RPS12: variants seen among roughly 807,000 people sequenced by gnomAD.
RPS12 encodes the protein small ribosomal subunit protein eS12.
A neutral mutation model predicts 17.2 loss-of-function variants in RPS12; 1 was observed. That is an observed-to-expected ratio of 0.06 (90% CI 0.02 to 0.28). The LOEUF is 0.28. Ranked by LOEUF, RPS12 falls within the 10% of genes least tolerant of loss-of-function variation. RPS12 has a pLI of 1.00. For synonymous variants in RPS12, 67 were observed against 54.0 expected (o/e 1.24, Z -1.06); for missense variants, 146 against 162.1 (o/e 0.90, Z 0.54).
intron 3 of RPS12, chr6:132,815,475 A>T: frequency 2.4e-6 from 1 of 425,458 alleles, no homozygotes; most frequent in African/African-American, 2.0e-5. Flanking sequence ...ACAAGCATTA[A>T]TTTAATGGAA....
At chr6:132,814,803 T>G (rs1562279735) in intron 2 of RPS12, 21 bp downstream of exon 2, 2 of 1,609,716 alleles carry the variant, frequency 1.2e-6, no homozygotes, top group Non-Finnish European at 1.7e-6. Context: ...GGGCCGGGGT[T>G]GGAGTTGGGG....
intron 3 of RPS12, 121 bp from the exon 4 acceptor site, chr6:132,816,340 T>C: frequency 1.4e-6 from 1 of 697,310 alleles, no homozygotes; most frequent in South Asian, 1.7e-5. Context: ...CATTTATGTG[T>C]TCAGTGGATT....
At position 132,814,762 on chromosome 6, in the gene RPS12, C is replaced by A. The variant is rs200878634; in HGVS notation, c.-7C>A. On this transcript the variant is annotated 5_prime_UTR_variant, in exon 2 of 6. Coordinates refer to ENST00000230050, the MANE Select transcript of RPS12 (RefSeq NM_001016.4). ...TCAAGATTCAACTTCACCCGTAACC[C>A]ACCGCCATGGCCGAGGAAGGGTGAG... 1 of 1,613,564 alleles carries A rather than the reference C, an allele frequency of 6.2e-7. No individual in the cohort carries two copies. The highest frequency in any genetic ancestry group is 8.5e-7 in the Non-Finnish European group (1 of 1,179,614).
intron 3 of RPS12, 87 bp from the exon 4 acceptor site, chr6:132,816,374 T>C: frequency 2.1e-6 from 2 of 934,462 alleles, no homozygotes; most frequent in East Asian, 2.4e-5. Context: ...TCGCAAGTGT[T>C]AGTGCAAAGA....
At chr6:132,816,672 G>A (rs540402940) in intron 4 of RPS12, 109 bp downstream of exon 4, 17 of 820,376 alleles carry the variant, frequency 2.1e-5, no homozygotes, top group African/African-American at 1.8e-4. Flanking sequence ...TAAACATTAC[G>A]TGCACCTGAT....
chr6:132,815,079 C>G lies in RPS12; in HGVS notation c.122C>G (p.Ala41Gly). 1 of 1,606,162 alleles carries G rather than the reference C, an allele frequency of 6.2e-7. No homozygotes were observed. The highest frequency in any genetic ancestry group is 8.5e-7 in the Non-Finnish European group (1 of 1,172,774). The change falls in exon 3 of 6, where the codon GCC becomes GGC. Residue 41 changes from alanine to glycine, a missense_variant. Coordinates refer to ENST00000230050, the MANE Select transcript of RPS12 (RefSeq NM_001016.4). ...CGTGGAATTCGCGAAGCTGCCAAAGCCTTAGACAAGTACGTGTATCAGTCT... is the reference window on the plus strand; with the variant it reads ...CGTGGAATTCGCGAAGCTGCCAAAGGCTTAGACAAGTACGTGTATCAGTCT... ...LARGIREAAK[A>G]LDKRQAHLCV...
Position 132,815,011 on chromosome 6 carries a change from A to C in RPS12, c.54A>C (p.Leu18Phe). 1 of 1,613,760 alleles carries C rather than the reference A, an allele frequency of 6.2e-7. No homozygotes were observed. Among genetic ancestry groups the C allele is most frequent in the Non-Finnish European group, 8.5e-7 (1 of 1,179,698 alleles). ...GTGTAATGGACGTTAATACTGCTTT[A>C]CAAGAGGTTCTGAAGACTGCCCTCA... ...AGGVMDVNTA[L>F]QEVLKTALIH... The change falls in exon 3 of 6, where the codon TTA becomes TTC. Residue 18 changes from leucine to phenylalanine, a missense_variant. By Grantham distance (22) the Leu-to-Phe change is conservative. Transcript: ENST00000230050.
intron 4 of RPS12, 52 bp from the exon 5 acceptor site, chr6:132,816,908 T>C (rs1348768752): frequency 8.5e-7 from 1 of 1,172,598 alleles, no homozygotes; most frequent in Admixed American, 1.7e-5. Context: ...ATTTTGGTAG[T>C]GTTAATGTCT....
Position 132,814,748 on chromosome 6 carries a change from C to G in RPS12, c.-21C>G, listed in dbSNP as rs188597053. On this transcript the variant is annotated 5_prime_UTR_variant, in exon 2 of 6. Coordinates refer to ENST00000230050, the MANE Select transcript of RPS12 (RefSeq NM_001016.4). ...GTTTTTTAGTGCGTTCAAGATTCAA[C>G]TTCACCCGTAACCCACCGCCATGGC... The G allele has an allele frequency of 2.6e-5, 42 of 1,613,110 alleles. No individual in the cohort carries two copies. Among genetic ancestry groups the G allele is most frequent in the Admixed American group, 2.0e-4 (12 of 60,004 alleles).
In RPS12 at chr6:132,814,718, C is replaced by G; in HGVS notation, c.-37-14C>G. 3 of 1,603,780 alleles carry G rather than the reference C, an allele frequency of 1.9e-6. No individual in the cohort carries two copies. The highest frequency in any genetic ancestry group is 2.6e-6 in the Non-Finnish European group (3 of 1,171,116). On this transcript the variant is annotated splice_polypyrimidine_tract_variant and intron_variant, in intron 1 of 5. Coordinates refer to ENST00000230050, the MANE Select transcript of RPS12 (RefSeq NM_001016.4). ...TATCTGGTTCTTTAACAAGTCAATG[C>G]TTTTGTTTTTTAGTGCGTTCAAGAT...
At chr6:132,816,407 T>C (rs914356729) in intron 3 of RPS12, 54 bp from the exon 4 acceptor site, 2 of 1,356,284 alleles carry the variant, frequency 1.5e-6, no homozygotes, top group African/African-American at 2.9e-5. Context: ...AATGCAAGAA[T>C]GATGGATTTG....
chr6:132,816,422 T>C, intron 3 of RPS12, 39 bp from the exon 4 acceptor site: 1 of 1,475,456 alleles, frequency 6.8e-7, no homozygotes, highest in Non-Finnish European at 9.5e-7. Context: ...GATTTGGATC[T>C]GAGTTTTAGC....
In RPS12 at chr6:132,815,097, A is replaced by G. The variant is rs958886270; in HGVS notation, c.131+9A>G. ...GCCAAAGCCTTAGACAAGTACGTGT[A>G]TCAGTCTCAATACTGTGGGTTCTTG... On this transcript the variant is annotated intron_variant, in intron 3 of 5. Coordinates refer to ENST00000230050, the MANE Select transcript of RPS12 (RefSeq NM_001016.4). 5.2e-6 allele frequency: 8 copies of G among 1,536,156 alleles called. No individual in the cohort carries two copies. In the Admixed American group the frequency reaches 6.7e-5, roughly 13 times the overall value.
intron 1 of RPS12, 53 bp from the exon 2 acceptor site, chr6:132,814,679 G>T: frequency 7.0e-7 from 1 of 1,434,142 alleles, no homozygotes; most frequent in South Asian, 1.2e-5. Flanking sequence ...GTTCTTGCTG[G>T]GATTCGTGAC....
At chr6:132,815,602 T>A in intron 3 of RPS12, 1 of 455,690 alleles carries the variant, frequency 2.2e-6, no homozygotes, top group Non-Finnish European at 4.4e-6. Flanking sequence ...AGTTAATGTG[T>A]TTTTTAGGGT....
intron 5 of RPS12, 87 bp downstream of exon 5, chr6:132,817,148 A>G: frequency 1.1e-6 from 1 of 905,304 alleles, no homozygotes; most frequent in Non-Finnish European, 1.8e-6. Flanking sequence ...ATCTTATAAA[A>G]GGAAAAAACT....
At chr6:132,816,672 G>C in intron 4 of RPS12, 109 bp downstream of exon 4, 2 of 820,378 alleles carry the variant, frequency 2.4e-6, no homozygotes, top group Non-Finnish European at 2.1e-6. Flanking sequence ...TAAACATTAC[G>C]TGCACCTGAT....
Position 132,816,530 on chromosome 6 carries a change from C to T in RPS12, c.201C>T (p.Ala67=). The T allele has an allele frequency of 1.2e-6, 2 of 1,602,416 alleles. No homozygotes were observed. Among genetic ancestry groups the T allele is most frequent in the Non-Finnish European group, 1.7e-6 (2 of 1,178,844 alleles). The change falls in exon 4 of 6, where the codon GCC becomes GCT. Residue 67 remains alanine, a synonymous_variant. Transcript: ENST00000230050. The part of the protein sequence containing the change: ...DEPMYVKLVE[A]LCAEHQINLI... ...CTATGTATGTCAAGTTGGTGGAGGC[C>T]CTTTGTGCTGAACACCAAATCAACC...
In RPS12 at chr6:132,816,683, A is replaced by G. The variant is rs1231516911; in HGVS notation, c.234+120A>G. The stretch of plus-strand genomic sequence containing the variant: ...GGTGTAAACATTACGTGCACCTGAT[A>G]CTGTCGGCCATTTTAAAGATGATTG... On this transcript the variant is annotated intron_variant, in intron 4 of 5. Coordinates refer to ENST00000230050, the MANE Select transcript of RPS12 (RefSeq NM_001016.4). The G allele has an allele frequency of 1.9e-5, 15 of 794,116 alleles. No homozygotes were observed. In the East Asian group the frequency reaches 3.4e-4, roughly 18 times the overall value. 49.2% of individuals were successfully genotyped at this position (794,116 alleles called of 1,614,324 possible).
Sources: allele counts gnomAD v4.1 joint callset, GRCh38; gene constraint gnomAD v4.1.1; transcripts MANE v1.5; gene names NCBI Gene and HGNC (gene_info 2026-07-23, HGNC 2026-07-21).